DNAH3: variants seen among roughly 807,000 people sequenced by gnomAD.
DNAH3 encodes axonemal beta dynein heavy chain 3.
In DNAH3, 332 loss-of-function variants were observed where a neutral mutation model predicts 432.5. The ratio of observed to expected loss-of-function variants is 0.77; its 90% CI spans 0.70 to 0.84. The LOEUF (loss-of-function observed/expected upper bound fraction) is 0.84. Among genes scored for constraint, DNAH3 ranks in the 40% least tolerant of loss-of-function variants. The pLI is 0.00. For synonymous variants in DNAH3, 1,956 were observed against 1,900.2 expected (o/e 1.03, Z -0.76); for missense variants, 4,861 against 5,114.0 (o/e 0.95, Z 1.51).
chr16:21,097,504 A>C lies in DNAH3; in HGVS notation c.2521-5T>G, dbSNP rs1387245070. 1 of 1,612,584 alleles carries C rather than the reference A, an allele frequency of 6.2e-7. No homozygotes were observed. The highest frequency in any genetic ancestry group is 1.7e-5 in the Admixed American group (1 of 59,984). On this transcript the variant is annotated splice_polypyrimidine_tract_variant and splice_region_variant and intron_variant, in intron 17 of 61. Transcript: ENST00000261383. ...CTCTTCCTCCTTATTGATCAACTGC[A>C]GGGCAAAAGGAGATGCTGTTTATGG...
Position 20,996,194 on chromosome 16 carries a change from T to C in DNAH3, c.6601+1089A>G, listed in dbSNP as rs138110755. 6.7e-3 allele frequency among the ~76,000 whole-genome samples: 1,022 copies of C among 152,364 alleles called. 15 individuals are homozygous for C. Among genetic ancestry groups the C allele is most frequent in the African/African-American group, 0.022 (924 of 41,588 alleles). ...CTGAAATTCTTTCCATAGTTTTTTA[T>C]ACATACATGTGTTAAAAATCATGTA... On this transcript the variant is annotated intron_variant, in intron 44 of 61. Coordinates refer to ENST00000261383, the Ensembl canonical transcript of DNAH3.
chr16:20,939,436 A>T (rs1382947956), intron 59 of DNAH3, among the ~76,000 whole-genome samples: 1 of 152,034 alleles, frequency 6.6e-6, no homozygotes, highest in Non-Finnish European at 1.5e-5. Context: ...ACATGGCGAA[A>T]TCCTGTCTCT....
At chr16:21,087,993 A>G (rs574629845) in intron 18 of DNAH3, among the ~76,000 whole-genome samples, 3 of 152,162 alleles carry the variant, frequency 2.0e-5, no homozygotes, top group African/African-American at 7.2e-5. Flanking sequence ...TTTGCTAAGA[A>G]CCTTTAGCAT....
intron 20 of DNAH3, among the ~76,000 whole-genome samples, chr16:21,078,623 A>G (rs2091065199): frequency 6.6e-6 from 1 of 152,226 alleles, no homozygotes; most frequent in Non-Finnish European, 1.5e-5. Flanking sequence ...AGGTCCCCAT[A>G]TGCCCCTATC....
Position 20,952,413 on chromosome 16 carries a change from A to T in DNAH3, c.11188+20T>A. 6.6e-7 allele frequency: 1 copy of T among 1,503,784 alleles called. No homozygotes were observed. The allele number at this position is 1,503,784 out of a possible 1,614,324, so 93.2% of individuals were successfully genotyped here. On this transcript the variant is annotated intron_variant, in intron 56 of 61. Transcript: ENST00000261383. ...CATGATACTGGAGGTTTACAGTGGA[A>T]AAACTCCTCCCGTAAATACCTGTCA...
At chr16:21,080,679 T>C (rs754524495) in intron 20 of DNAH3, among the ~76,000 whole-genome samples, 13 of 152,154 alleles carry the variant, frequency 8.5e-5, no homozygotes, top group Non-Finnish European at 1.6e-4. Context: ...AAACGTGCAT[T>C]CTAGCTAGTT....
At chr16:21,151,803 T>C (rs2092855810) in intron 1 of DNAH3, among the ~76,000 whole-genome samples, 1 of 152,198 alleles carries the variant, frequency 6.6e-6, no homozygotes, top group Non-Finnish European at 1.5e-5. Context: ...ACATGTTCCA[T>C]GGTCACTGTG....
intron 36 of DNAH3, among the ~76,000 whole-genome samples, chr16:21,033,463 C>A (rs1429209635): frequency 6.6e-6 from 1 of 152,088 alleles, no homozygotes; most frequent in Non-Finnish European, 1.5e-5. Flanking sequence ...CATTTTACAG[C>A]TGGGAAAACA....
chr16:20,934,891 A>G (rs2152563935), intron 61 of DNAH3, among the ~76,000 whole-genome samples: 1 of 152,318 alleles, frequency 6.6e-6, no homozygotes, highest in African/African-American at 2.4e-5. Flanking sequence ...GATGATTTCA[A>G]AGGATCTTTC....
intron 43 of DNAH3, among the ~76,000 whole-genome samples, chr16:20,999,537 G>A (rs967296280): frequency 8.2e-4 from 125 of 152,304 alleles, no homozygotes; most frequent in Non-Finnish European, 1.5e-3. Flanking sequence ...AGAACGCTAC[G>A]TGTCAACAGC....
chr16:21,140,752 C>T (rs7202719), intron 4 of DNAH3, 42 bp from the exon 6 acceptor site: 692,871 of 1,598,228 alleles, frequency 0.43, 153,111 homozygotes, highest in East Asian at 0.67. Context: ...TTTGGTTCTC[C>T]AGAGAGGTGC....
At chr16:21,036,609 C>T (rs1208800410) in intron 35 of DNAH3, 105 bp downstream of exon 35, 1 of 1,074,432 alleles carries the variant, frequency 9.3e-7, no homozygotes, top group Non-Finnish European at 1.4e-6. Flanking sequence ...TACACAGGCA[C>T]CTCTGATTGC....
At chr16:21,063,609 C>A (rs2090442729) in intron 24 of DNAH3, among the ~76,000 whole-genome samples, 1 of 151,076 alleles carries the variant, frequency 6.6e-6, no homozygotes, top group Admixed American at 6.6e-5. Context: ...GTGGTGCAAT[C>A]CTGGCTCACT....
At chr16:21,010,358 C>T (rs2087532833) in intron 41 of DNAH3, among the ~76,000 whole-genome samples, 1 of 152,158 alleles carries the variant, frequency 6.6e-6, no homozygotes, top group African/African-American at 2.4e-5. Context: ...CTCTGCTTTC[C>T]TCTCCTGCAC....
intron 24 of DNAH3, among the ~76,000 whole-genome samples, chr16:21,063,791 C>T (rs890226918): frequency 3.9e-5 from 6 of 152,156 alleles, no homozygotes; most frequent in African/African-American, 1.4e-4. Flanking sequence ...GATCCATCCA[C>T]CTCACCTCCC....
intron 44 of DNAH3, among the ~76,000 whole-genome samples, chr16:20,993,406 C>T: frequency 6.6e-6 from 1 of 152,020 alleles, no homozygotes; most frequent in Non-Finnish European, 1.5e-5. Context: ...ATTTTGATTA[C>T]CTGAAATCCA....
intron 23 of DNAH3, among the ~76,000 whole-genome samples, chr16:21,069,112 TGTG>T (rs1404618447): frequency 6.6e-6 from 1 of 151,912 alleles, no homozygotes; most frequent in African/African-American, 2.4e-5. Context: ...TGTGTGTGTG[TGTG>T]TGTTTTTAGT....
intron 29 of DNAH3, 133 bp downstream of exon 29, chr16:21,051,537 G>T: frequency 1.1e-6 from 1 of 892,680 alleles, no homozygotes; most frequent in Non-Finnish European, 1.7e-6. Context: ...CCATCTTTGG[G>T]ACTATGGAGA....
intron 54 of DNAH3, among the ~76,000 whole-genome samples, chr16:20,958,886 GCCT>G (rs1434439567): frequency 1.3e-5 from 2 of 152,128 alleles, no homozygotes; most frequent in Non-Finnish European, 2.9e-5. Context: ...TCCCACCTCA[GCCT>G]CCTGAGTAGC....
Sources: gnomAD v4.1 joint callset for allele counts (sites outside exome capture counted in the v4.1 genomes callset) on GRCh38, gnomAD v4.1.1 for gene constraint, MANE v1.5 for transcripts, NCBI Gene and HGNC (gene_info 2026-07-23, HGNC 2026-07-21) for gene names.